RBFOX1: variants seen among roughly 807,000 people sequenced by gnomAD.
The protein encoded by RBFOX1 is RNA binding fox-1 homolog 1, also known as RNA binding protein fox-1 homolog 1.
In RBFOX1, 8 loss-of-function variants were observed where a neutral mutation model predicts 57.7. That is an observed-to-expected ratio of 0.14 (90% CI 0.08 to 0.25). The LOEUF is 0.25. Among genes scored for constraint, RBFOX1 ranks in the 10% least tolerant of loss-of-function variants. The pLI, the probability that RBFOX1 is intolerant of heterozygous loss-of-function variation, is 1.00. For missense variants in RBFOX1, 611 were observed against 548.5 expected (o/e 1.11, Z -1.14); for synonymous variants, 326 against 222.4 (o/e 1.47, Z -4.15).
rs574479122 is a variant in RBFOX1 at position 6,938,341 on chromosome 16, A to T, written c.-15-113716A>T. The stretch of plus-strand genomic sequence containing the variant: ...AAAATAGTAATTGAAACCGAAGCCT[A>T]TTGTTGGCAAGAAGGTTAAGTTAGC... On this transcript the variant is annotated intron_variant, in intron 3 of 15. Transcript: ENST00000550418. Among the ~76,000 whole-genome samples the T allele has an allele frequency of 5.3e-4, 80 of 152,268 alleles. 2 individuals are homozygous for T. The highest frequency in any genetic ancestry group is 1.8e-3 in the African/African-American group (73 of 41,546).
intron 4 of RBFOX1, among the ~76,000 whole-genome samples, chr16:7,399,954 C>T (rs914587264): frequency 6.6e-6 from 1 of 152,022 alleles, no homozygotes; most frequent in East Asian, 1.9e-4. Flanking sequence ...TGACTATGTA[C>T]CAGGCATTGT....
chr16:5,933,306 A>C (rs1263742640), intron 4 of RBFOX1, among the ~76,000 whole-genome samples: 2 of 152,186 alleles, frequency 1.3e-5, no homozygotes, highest in Non-Finnish European at 2.9e-5. Context: ...AAGGGGAGTC[A>C]ATTGATTACT....
At chr16:6,862,397 G>T (rs952354923) in intron 3 of RBFOX1, among the ~76,000 whole-genome samples, 4 of 152,170 alleles carry the variant, frequency 2.6e-5, no homozygotes, top group Non-Finnish European at 5.9e-5. Context: ...CAATGAAATG[G>T]AGGAAGAGAG....
chr16:5,984,991 T>C (rs1328967623), intron 4 of RBFOX1, among the ~76,000 whole-genome samples: 1 of 133,640 alleles, frequency 7.5e-6, no homozygotes, highest in Non-Finnish European at 1.6e-5. Context: ...TTTTTTTTTT[T>C]TTTTTCTTTG....
At position 6,380,997 on chromosome 16, in the gene RBFOX1, G is replaced by T. The variant is rs2795559; in HGVS notation, c.-64+63940G>T. Among the ~76,000 whole-genome samples, 736 of 152,216 alleles carry T rather than the reference G, an allele frequency of 4.8e-3. 11 individuals carry two copies. The highest frequency in any genetic ancestry group is 0.016 in the African/African-American group (680 of 41,516). On this transcript the variant is annotated intron_variant, in intron 2 of 15. Transcript: ENST00000550418. ...TCTTTTTAAAATAATCTTGCTGGGG[G>T]ACTTGTGGTATGCAATGATGACTGT...
At chr16:6,683,584 CAT>C (rs994458306) in intron 3 of RBFOX1, among the ~76,000 whole-genome samples, 14 of 152,166 alleles carry the variant, frequency 9.2e-5, no homozygotes, top group East Asian at 5.8e-4. Flanking sequence ...CACGTGTATA[CAT>C]GTGTGTGTGT....
At chr16:7,049,138 C>T (rs1409551717) in intron 3 of RBFOX1, among the ~76,000 whole-genome samples, 1 of 152,168 alleles carries the variant, frequency 6.6e-6, no homozygotes, top group East Asian at 1.9e-4. Flanking sequence ...CCGGGATCCT[C>T]AAAGTAATAT....
At chr16:5,284,334 G>A (rs542937666) in intron 1 of RBFOX1, among the ~76,000 whole-genome samples, 4 of 152,232 alleles carry the variant, frequency 2.6e-5, no homozygotes, top group African/African-American at 9.6e-5. Flanking sequence ...GTTGCAGTTT[G>A]GTGGTTTTCT....
At chr16:6,342,777 G>A (rs183601090) in intron 2 of RBFOX1, among the ~76,000 whole-genome samples, 1 of 152,218 alleles carries the variant, frequency 6.6e-6, no homozygotes, top group African/African-American at 2.4e-5. Context: ...ACCTTATCAA[G>A]GTTATTTCTG....
intron 2 of RBFOX1, among the ~76,000 whole-genome samples, chr16:6,589,635 G>A (rs1305399875): frequency 6.6e-6 from 1 of 152,184 alleles, no homozygotes; most frequent in Non-Finnish European, 1.5e-5. Flanking sequence ...CCTAGCTGCA[G>A]GACTCCTAAA....
intron 14 of RBFOX1, among the ~76,000 whole-genome samples, chr16:7,691,587 A>AAAAC (rs2077348445): frequency 6.6e-6 from 1 of 152,146 alleles, no homozygotes; most frequent in Non-Finnish European, 1.5e-5. Flanking sequence ...ACAATTTTTA[A>AAAAC]AAACAAGCCT....
At chr16:7,023,157 G>A (rs1488319854) in intron 3 of RBFOX1, among the ~76,000 whole-genome samples, 4 of 152,126 alleles carry the variant, frequency 2.6e-5, no homozygotes, top group Non-Finnish European at 5.9e-5. Flanking sequence ...GTGGGAGGCT[G>A]CAGAAGGAGG....
intron 4 of RBFOX1, among the ~76,000 whole-genome samples, chr16:7,104,340 C>T (rs554285559): frequency 1.3e-5 from 2 of 152,058 alleles, no homozygotes; most frequent in Non-Finnish European, 2.9e-5. Context: ...CTAAGGGGGA[C>T]CAGTGTAGCT....
chr16:5,874,253 T>C (rs1053780757), intron 4 of RBFOX1, among the ~76,000 whole-genome samples: 14 of 152,084 alleles, frequency 9.2e-5, no homozygotes, highest in Admixed American at 9.2e-4. Context: ...AAAGCAGCCA[T>C]TGGTTGATTC....
chr16:6,085,441 T>G (rs1200052011), intron 1 of RBFOX1, among the ~76,000 whole-genome samples: 1 of 151,938 alleles, frequency 6.6e-6, no homozygotes, highest in African/African-American at 2.4e-5. Flanking sequence ...CCCAGCTAAT[T>G]TTGTATTTTT....
At chr16:5,623,202 C>T (rs181798423) in intron 3 of RBFOX1, among the ~76,000 whole-genome samples, 1 of 152,186 alleles carries the variant, frequency 6.6e-6, no homozygotes, top group African/African-American at 2.4e-5. Context: ...ATGGTGTTGG[C>T]CTGAGAAGAG....
chr16:7,251,357 T>G (rs2094492778), intron 4 of RBFOX1, among the ~76,000 whole-genome samples: 1 of 151,846 alleles, frequency 6.6e-6, no homozygotes, highest in Admixed American at 6.6e-5. Flanking sequence ...TTATCTCTTT[T>G]TAGGGCTGAA....
intron 1 of RBFOX1, among the ~76,000 whole-genome samples, chr16:5,319,129 A>T (rs1957431109): frequency 7.5e-6 from 1 of 134,228 alleles, no homozygotes; most frequent in Non-Finnish European, 1.5e-5. Flanking sequence ...TCTGTCTCAA[A>T]CAAACAAACA....
chr16:7,144,417 C>CTTCTT (rs3046798), intron 4 of RBFOX1, among the ~76,000 whole-genome samples: 712 of 66,912 alleles, frequency 0.011, 29 homozygotes, highest in Middle Eastern at 0.031. Flanking sequence ...TTTCTTTCTT[C>CTTCTT]TTTTTTTTTT....
Sources: gnomAD v4.1 joint callset for allele counts (sites outside exome capture counted in the v4.1 genomes callset) on GRCh38, gnomAD v4.1.1 for gene constraint, MANE v1.5 for transcripts, NCBI Gene and HGNC (gene_info 2026-07-23, HGNC 2026-07-21) for gene names.